GNRHR: variants seen among roughly 807,000 people sequenced by gnomAD.
GNRHR encodes the protein gonadotropin releasing hormone receptor.
GNRHR carries 14 observed loss-of-function variants against 28.1 expected under a neutral mutation model. That is an observed-to-expected ratio of 0.50 (90% CI 0.33 to 0.78). The LOEUF (loss-of-function observed/expected upper bound fraction) is 0.78, where lower values mean the gene tolerates loss of function less well. Ranked by LOEUF, GNRHR falls within the 30% of genes least tolerant of loss-of-function variation. GNRHR has a pLI of 0.02. For missense variants in GNRHR, 366 were observed against 382.1 expected (o/e 0.96, Z 0.35); for synonymous variants, 141 against 140.5 (o/e 1.00, Z -0.02).
At chr4:67,743,461 A>G (rs1050653581) in intron 2 of GNRHR, among the ~76,000 whole-genome samples, 7 of 152,218 alleles carry the variant, frequency 4.6e-5, no homozygotes, top group Non-Finnish European at 7.3e-5. Context: ...TGTAGTCTCC[A>G]TGAAAGCAGG....
At chr4:67,749,477 A>G (rs562169368) in intron 1 of GNRHR, among the ~76,000 whole-genome samples, 1 of 152,272 alleles carries the variant, frequency 6.6e-6, no homozygotes, top group East Asian at 1.9e-4. Context: ...ATTAGAAACC[A>G]TGTGATTTTA....
intron 1 of GNRHR, among the ~76,000 whole-genome samples, chr4:67,746,923 G>C (rs9994948): frequency 0.011 from 1,731 of 152,062 alleles, 41 homozygotes; most frequent in African/African-American, 0.04. Context: ...TATCACTCCA[G>C]TCAAGAAACC....
chr4:67,751,905 TACAA>T (rs1035864459), intron 1 of GNRHR, among the ~76,000 whole-genome samples: 4 of 152,178 alleles, frequency 2.6e-5, no homozygotes, highest in Non-Finnish European at 5.9e-5. Flanking sequence ...CTCTCCCTTC[TACAA>T]ACAAACAGGC....
chr4:67,754,330 TGC>T lies in GNRHR; in HGVS notation c.4_5del (p.Ala2LysfsTer6). ...GATTCTGTTCAGGAGAGGCACTGTT[TGC>T]CATATTTTCCCAGGACAGAGCTTCA... Reference protein sequence around the residue: MANSASPEQNQN... With the variant: MXNSASPEQNQN... On this transcript the variant is annotated frameshift_variant, in exon 1 of 3. Transcript: ENST00000226413. LOFTEE classifies it high-confidence loss of function. The T allele has an allele frequency of 6.2e-7, 1 of 1,609,568 alleles. No individual in the cohort carries two copies. The highest frequency in any genetic ancestry group is 2.2e-5 in the East Asian group (1 of 44,878).
intron 2 of GNRHR, among the ~76,000 whole-genome samples, chr4:67,743,405 A>T (rs1412724720): frequency 6.6e-6 from 1 of 152,192 alleles, no homozygotes. Context: ...TTGAAACATC[A>T]TCACAGTTGA....
In GNRHR at chr4:67,753,858, C is replaced by T. The variant is rs922215123; in HGVS notation, c.478G>A (p.Val160Ile). 3 of 1,613,736 alleles carry T rather than the reference C, an allele frequency of 1.9e-6. No homozygotes were observed. The highest frequency in any genetic ancestry group is 3.3e-5 in the Admixed American group (2 of 59,940). The change falls in exon 1 of 3, where the codon GTT becomes ATT. Residue 160 changes from valine (V) to isoleucine (I), a missense_variant. Transcript: ENST00000226413. ...KSNSKVGQSM[V>I]GLAWILSSVF... Reference sequence around the variant, plus strand: ...CTACTGAGGATCCAGGCCAGGCCAACCATGGACTGTCCGACTTTGCTGTTG... The same window carrying T: ...CTACTGAGGATCCAGGCCAGGCCAATCATGGACTGTCCGACTTTGCTGTTG...
At chr4:67,749,108 G>T (rs1385379980) in intron 1 of GNRHR, among the ~76,000 whole-genome samples, 1 of 152,066 alleles carries the variant, frequency 6.6e-6, no homozygotes, top group Non-Finnish European at 1.5e-5. Flanking sequence ...TGTTATTTCT[G>T]CTAGTAGCAC....
chr4:67,752,419 C>T (rs1329753231), intron 1 of GNRHR, among the ~76,000 whole-genome samples: 1 of 151,892 alleles, frequency 6.6e-6, no homozygotes, highest in Non-Finnish European at 1.5e-5. Context: ...TATGGGGCCT[C>T]CCTATATTGC....
rs765708246 is a variant in GNRHR, at chr4:67,744,632, G to T, written c.678C>A (p.Ile226=). Residue 226 remains isoleucine, a synonymous_variant, in exon 2 of 3, where the codon ATC becomes ATA. Coordinates refer to ENST00000226413, the MANE Select transcript of GNRHR (RefSeq NM_000406.3). ...TGATTTTTGCATTGCAGATCAGCAT[G>T]ATGAAAAGAGGGATGATGAAGAGGC... ...FSCLFIIPLF[I]MLICNAKIIF... 1 of 1,613,432 alleles carries T rather than the reference G, an allele frequency of 6.2e-7. No individual in the cohort carries two copies. Among genetic ancestry groups the T allele is most frequent in the South Asian group, 1.1e-5 (1 of 91,070 alleles).
chr4:67,749,929 C>T (rs1057211753), intron 1 of GNRHR, among the ~76,000 whole-genome samples: 2 of 152,108 alleles, frequency 1.3e-5, no homozygotes, highest in African/African-American at 2.4e-5. Flanking sequence ...AAAGAACCAA[C>T]AATTCCATAC....
chr4:67,742,779 C>T (rs895995394), intron 2 of GNRHR, among the ~76,000 whole-genome samples: 1 of 152,022 alleles, frequency 6.6e-6, no homozygotes, highest in Non-Finnish European at 1.5e-5. Context: ...ATTAATTGGT[C>T]ACCAAAGGGT....
Position 67,754,147 on chromosome 4 carries a change from C to G in GNRHR, c.189G>C (p.Trp63Cys), listed in dbSNP as rs138926430. 29 of 1,613,650 alleles carry G rather than the reference C, an allele frequency of 1.8e-5. No individual in the cohort carries two copies. The highest frequency in any genetic ancestry group is 2.3e-5 in the Non-Finnish European group (27 of 1,179,686). The change falls in exon 1 of 3, where the codon TGG becomes TGC. Residue 63 changes from tryptophan (W) to cysteine (C), a missense_variant. Coordinates refer to ENST00000226413, the MANE Select transcript of GNRHR (RefSeq NM_000406.3). Reference protein sequence around the residue: ...NASFLLKLQKWTQKKEKGKKL... With the variant: ...NASFLLKLQKCTQKKEKGKKL... ...TTTTCCCTTTCTCTTTCTTCTGTGT[C>G]CACTTCTGAAGTTTCAACAAGAAAG...
intron 1 of GNRHR, among the ~76,000 whole-genome samples, chr4:67,745,955 C>G (rs1176579742): frequency 6.6e-6 from 1 of 152,058 alleles, no homozygotes; most frequent in Non-Finnish European, 1.5e-5. Context: ...ATGGTTCCAG[C>G]TAAAAGAATA....
chr4:67,751,488 C>G (rs1731864805), intron 1 of GNRHR, among the ~76,000 whole-genome samples: 2 of 152,186 alleles, frequency 1.3e-5, no homozygotes, highest in Non-Finnish European at 2.9e-5. Flanking sequence ...CTGTGGCTCA[C>G]ATTCACATAA....
At chr4:67,744,151 C>T (rs2109983078) in intron 2 of GNRHR, among the ~76,000 whole-genome samples, 1 of 152,168 alleles carries the variant, frequency 6.6e-6, no homozygotes, top group South Asian at 2.1e-4. Flanking sequence ...TAGTTTATGT[C>T]GTGTAAATAT....
Position 67,737,710 on chromosome 4 carries a change from G to T in GNRHR, c.*2770C>A, listed in dbSNP as rs1303397044. 2.0e-5 allele frequency among the ~76,000 whole-genome samples: 3 copies of T among 151,602 alleles called. No individual in the cohort carries two copies. The highest frequency in any genetic ancestry group is 1.5e-5 in the Non-Finnish European group (1 of 67,780). On this transcript the variant is annotated 3_prime_UTR_variant, in exon 3 of 3. Transcript: ENST00000226413. ...TAATGTAGGCTTTGTTTAATTTATTGTCATTAGTTAATGTCACTCCTGTAC... is the reference window on the plus strand; with the variant it reads ...TAATGTAGGCTTTGTTTAATTTATTTTCATTAGTTAATGTCACTCCTGTAC...
chr4:67,741,164 G>A (rs1280324100), intron 2 of GNRHR, among the ~76,000 whole-genome samples: 6 of 151,810 alleles, frequency 4.0e-5, no homozygotes, highest in African/African-American at 7.3e-5. Flanking sequence ...AGCAGTGTAC[G>A]CTGTACCAAA....
chr4:67,738,462 G>A lies in GNRHR; in HGVS notation c.*2018C>T, dbSNP rs193065945. On this transcript the variant is annotated 3_prime_UTR_variant, in exon 3 of 3. Transcript: ENST00000226413. ...TAGTTAATGTGTAAAAAAAAAAAAT[G>A]CCTGAGGCAATTCCTAAGACAGAGA... is the stretch of plus-strand genomic sequence containing the variant. Among the ~76,000 whole-genome samples the A allele has an allele frequency of 4.0e-4, 60 of 151,622 alleles. No homozygotes were observed. Among genetic ancestry groups the A allele is most frequent in the Non-Finnish European group, 3.0e-5 (2 of 67,724 alleles).
Position 67,738,152 on chromosome 4 carries a change from T to A in GNRHR, c.*2328A>T, listed in dbSNP as rs781061386. Among the ~76,000 whole-genome samples, 44 of 151,762 alleles carry A rather than the reference T, an allele frequency of 2.9e-4. No individual in the cohort carries two copies. Among genetic ancestry groups the A allele is most frequent in the Admixed American group, 5.9e-4 (9 of 15,208 alleles). ...AATAAGCATATTGAAGCAATCTTGTTTCAATATTTACATTTTTATGTTTGC... is the reference window on the plus strand; with the variant it reads ...AATAAGCATATTGAAGCAATCTTGTATCAATATTTACATTTTTATGTTTGC... On this transcript the variant is annotated 3_prime_UTR_variant, in exon 3 of 3. Transcript: ENST00000226413.
Sources: allele counts gnomAD v4.1 joint callset (sites outside exome capture counted in the v4.1 genomes callset), GRCh38; gene constraint gnomAD v4.1.1; transcripts MANE v1.5; gene names NCBI Gene and HGNC (gene_info 2026-07-23, HGNC 2026-07-21).